LTF: variants seen among roughly 807,000 people sequenced by gnomAD.
LTF encodes epididymis luminal protein 110.
LTF carries 91 observed loss-of-function variants against 87.2 expected under a neutral mutation model. The ratio of observed to expected loss-of-function variants is 1.04; its 90% CI spans 0.88 to 1.24. LTF has a LOEUF of 1.24. Among genes scored for constraint, LTF ranks in the 50% most tolerant of loss-of-function variants. LTF has a pLI of 0.00. For synonymous variants in LTF, 378 were observed against 356.1 expected, an observed-to-expected ratio of 1.06 and a Z score of -0.69; for missense variants, 901 against 904.3, an observed-to-expected ratio of 1.00 and a Z score of 0.05.
chr3:46,449,117 G>A lies in LTF; in HGVS notation c.1058-100C>T. The A allele has an allele frequency of 2.6e-6, 3 of 1,132,900 alleles. No individual in the cohort carries two copies. In the South Asian group the frequency reaches 4.6e-5, roughly 17 times the overall value. 70.2% of individuals were successfully genotyped at this position (1,132,900 alleles called of 1,614,324 possible). A position where few individuals can be genotyped will look rare whatever the true frequency, so the allele number is the denominator to read the frequency against. On this transcript the variant is annotated intron_variant, in intron 8 of 16. Transcript: ENST00000231751. The stretch of plus-strand genomic sequence containing the variant: ...TCCTGCCCAGACTCTCCCTGGAACA[G>A]GAGCTACAGTACATGTGTGGACATG...
chr3:46,482,485 G>A (rs1361546852), intron 1 of LTF, among the ~76,000 whole-genome samples: 1 of 1,198 alleles, frequency 8.3e-4, no homozygotes, highest in African/African-American at 2.4e-3. Context: ...AAAGGAGAAG[G>A]AAGGGAAGGG....
chr3:46,467,331 C>T (rs1703228840), upstream of LTF, among the ~76,000 whole-genome samples: 1 of 152,196 alleles, frequency 6.6e-6, no homozygotes, highest in South Asian at 2.1e-4. Context: ...GAGGGACAGT[C>T]ACAGGAATGC....
chr3:46,462,008 A>G (rs11716497), intron 1 of LTF, among the ~76,000 whole-genome samples: 70,088 of 151,882 alleles, frequency 0.46, 18,538 homozygotes, highest in African/African-American at 0.73. Flanking sequence ...GAGTCTGCAG[A>G]GGTTTGGGGA....
chr3:46,482,765 G>T (rs1703465864), intron 1 of LTF, among the ~76,000 whole-genome samples: 1 of 120,360 alleles, frequency 8.3e-6, no homozygotes, highest in South Asian at 2.9e-4. Flanking sequence ...GAAAGAGAAA[G>T]AAAGAAAGAA....
rs1416652069 is a variant in LTF, at chr3:46,447,360, A to T, written c.1251T>A (p.Tyr417Ter). 5.0e-6 allele frequency: 8 copies of T among 1,614,172 alleles called. No individual in the cohort carries two copies. The highest frequency in any genetic ancestry group is 6.8e-6 in the Non-Finnish European group (8 of 1,180,014). ...EADAMSLDGGYVYTAGKCGLV... is the reference protein window; with the variant it reads ...EADAMSLDGG ...AACCACATTTGCCTGCAGTGTACAC[A>T]TATCCTCCATCCAAACTCATGGCAT... Residue 417 changes from tyrosine (Y) to a stop codon, truncating the protein, a stop_gained, in exon 10 of 17, where the codon TAT becomes TAA. Coordinates refer to ENST00000231751, the MANE Select transcript of LTF (RefSeq NM_002343.6). LOFTEE classifies it high-confidence loss of function.
upstream of LTF, among the ~76,000 whole-genome samples, chr3:46,467,689 C>T (rs1359001320): frequency 1.4e-5 from 2 of 141,768 alleles, no homozygotes; most frequent in African/African-American, 5.2e-5. Flanking sequence ...CCTCTGTCAC[C>T]TAGGCTGGTA....
At chr3:46,455,719 T>C (rs1036095492) in intron 4 of LTF, 77 bp downstream of exon 4, 2 of 1,445,890 alleles carry the variant, frequency 1.4e-6, no homozygotes, top group African/African-American at 2.8e-5. Flanking sequence ...TTCACCTGCA[T>C]GATCTGTGTG....
chr3:46,460,637 G>T (rs1703057953), intron 1 of LTF: 1 of 452,598 alleles, frequency 2.2e-6, no homozygotes, highest in South Asian at 1.6e-5. Flanking sequence ...AAGACTGACT[G>T]CTTTCCACCT....
Position 46,479,166 on chromosome 3 carries a change from C to T in LTF, c.-320+5820G>A, listed in dbSNP as rs552698119. Among the ~76,000 whole-genome samples the T allele has an allele frequency of 9.8e-5, 15 of 152,340 alleles. No homozygotes were observed. In the East Asian group the frequency reaches 2.3e-3, roughly 24 times the overall value. Reference sequence around the variant, plus strand: ...CCACGCCTGTGCCCAAGGCTCTGTGCGTGGTAGGGAATCTGCCTCCCACCT... The same window carrying T: ...CCACGCCTGTGCCCAAGGCTCTGTGTGTGGTAGGGAATCTGCCTCCCACCT... On this transcript the variant is annotated intron_variant, in intron 1 of 19. Coordinates refer to the LTF transcript ENST00000443496.
intron 11 of LTF, 56 bp downstream of exon 11, chr3:46,446,384 C>A (rs759576922): frequency 8.5e-5 from 125 of 1,462,082 alleles, no homozygotes; most frequent in Non-Finnish European, 6.7e-5. Flanking sequence ...CTGCCACTTC[C>A]TCTTCCAGCA....
intron 1 of LTF, among the ~76,000 whole-genome samples, chr3:46,475,566 A>ACACC (rs1703350807): frequency 1.7e-5 from 2 of 116,118 alleles, no homozygotes; most frequent in Non-Finnish European, 3.6e-5. Context: ...ACACACACAC[A>ACACC]CCCTCTCTTC....
intron 13 of LTF, among the ~76,000 whole-genome samples, 179 bp downstream of exon 13, chr3:46,443,262 A>T (rs1338661789): frequency 6.6e-6 from 1 of 151,996 alleles, no homozygotes; most frequent in East Asian, 1.9e-4. Flanking sequence ...GCCAGCCTCC[A>T]CTCTCTGGGG....
upstream of LTF, among the ~76,000 whole-genome samples, chr3:46,465,357 G>C (rs948425279): frequency 6.6e-6 from 1 of 152,226 alleles, no homozygotes; most frequent in African/African-American, 2.4e-5. Context: ...AGTGAGCTGA[G>C]AGTTGAAAAG....
intron 1 of LTF, among the ~76,000 whole-genome samples, chr3:46,477,352 A>AT (rs1703373536): frequency 6.6e-6 from 1 of 152,242 alleles, no homozygotes; most frequent in Admixed American, 6.5e-5. Context: ...CTAAGCCCAG[A>AT]TGAAGCCTGG....
At chr3:46,456,806 C>T (rs776826267) in intron 2 of LTF, among the ~76,000 whole-genome samples, 15 of 152,174 alleles carry the variant, frequency 9.9e-5, no homozygotes, top group Non-Finnish European at 1.5e-4. Flanking sequence ...CATGTTCCTC[C>T]GCTTCAGCAC....
intron 9 of LTF, among the ~76,000 whole-genome samples, chr3:46,448,550 C>T (rs1294853568): frequency 6.6e-6 from 1 of 152,184 alleles, no homozygotes; most frequent in Non-Finnish European, 1.5e-5. Flanking sequence ...TTAACCATGT[C>T]TGTCCCTCTG....
chr3:46,484,731 A>G (rs892856103), intron 1 of LTF, among the ~76,000 whole-genome samples: 9 of 152,200 alleles, frequency 5.9e-5, no homozygotes, highest in African/African-American at 1.9e-4. Flanking sequence ...ATGAAAAATG[A>G]AGTCAGACAT....
chr3:46,445,230 T>C (rs1702619382), intron 12 of LTF, 51 bp downstream of exon 12: 3 of 1,533,784 alleles, frequency 2.0e-6, no homozygotes, highest in Non-Finnish European at 2.6e-6. Flanking sequence ...CACAGCACAA[T>C]ATGCCTACCC....
chr3:46,472,393 C>T (rs1703302552), intron 1 of LTF, among the ~76,000 whole-genome samples: 2 of 151,624 alleles, frequency 1.3e-5, no homozygotes, highest in African/African-American at 2.4e-5. Context: ...AGCAAGATGC[C>T]CCTTTTTCGT....
Sources: allele counts gnomAD v4.1 joint callset (sites outside exome capture counted in the v4.1 genomes callset), GRCh38; gene constraint gnomAD v4.1.1; transcripts MANE v1.5; gene names NCBI Gene and HGNC (gene_info 2026-07-23, HGNC 2026-07-21).